Variants in PCDH15 observed in about 807,000 individuals in gnomAD.
PCDH15 encodes the protein protocadherin-15.
Under a neutral mutation model 178.5 loss-of-function variants are expected in PCDH15, and 129 were observed. That is an observed-to-expected ratio of 0.72 (90% CI 0.63 to 0.84). The LOEUF is 0.84. Ranked by LOEUF, PCDH15 falls within the 40% of genes least tolerant of loss-of-function variation. PCDH15 has a pLI of 0.00. For synonymous variants in PCDH15, 800 were observed against 732.0 expected (o/e 1.09, Z -1.50); for missense variants, 2,230 against 2,099.9 (o/e 1.06, Z -1.21).
At chr10:54,338,287 A>G (rs537390657) in intron 6 of PCDH15, among the ~76,000 whole-genome samples, 96 of 151,656 alleles carry the variant, frequency 6.3e-4, no homozygotes, top group African/African-American at 2.3e-3. Context: ...TGGAAATCTC[A>G]TGATATAATG....
chr10:54,931,029 C>T (rs1024591947), intron 2 of PCDH15, among the ~76,000 whole-genome samples: 3 of 152,182 alleles, frequency 2.0e-5, no homozygotes, highest in Non-Finnish European at 2.9e-5. Context: ...TTTGGAGCTA[C>T]ATTCCATTTT....
rs778030835 is a variant in PCDH15, at chr10:53,961,732, T to C, written c.3009+20A>G. On this transcript the variant is annotated intron_variant, in intron 22 of 37. Coordinates refer to ENST00000644397, the MANE Select transcript of PCDH15 (RefSeq NM_001384140.1). ...AAAATTAAACATCAAATAGACCACA[T>C]AATGAAAAGAGACACTGACCTTAAA... 4 of 1,586,674 alleles carry C rather than the reference T, an allele frequency of 2.5e-6. No individual in the cohort carries two copies. The highest frequency in any genetic ancestry group is 1.7e-6 in the Non-Finnish European group (2 of 1,164,726).
At chr10:54,951,875 T>A (rs1838349675) in intron 2 of PCDH15, among the ~76,000 whole-genome samples, 1 of 151,880 alleles carries the variant, frequency 6.6e-6, no homozygotes, top group Non-Finnish European at 1.5e-5. Flanking sequence ...AGATCTTTTG[T>A]CCATTAGGAA....
At chr10:55,437,218 T>TTTCGATATACCTG (rs112436954) in intron 2 of PCDH15, among the ~76,000 whole-genome samples, 2 of 151,844 alleles carry the variant, frequency 1.3e-5, no homozygotes, top group African/African-American at 4.8e-5. Context: ...GGATCTCAAT[T>TTTCGATATACCTG]TAATTGGAGA....
At position 54,657,311 on chromosome 10, in the gene PCDH15, A is replaced by G. The variant is rs546127551; in HGVS notation, c.91+6861T>C. On this transcript the variant is annotated intron_variant, in intron 2 of 37. Transcript: ENST00000644397. ...TGGTATAGGCCTCCAACGCTCTTCC[A>G]TTGAAACATTGCCACAGCCCAACAG... 1.4e-4 allele frequency among the ~76,000 whole-genome samples: 22 copies of G among 152,282 alleles called. No individual in the cohort carries two copies. In the South Asian group the frequency reaches 4.4e-3, roughly 30 times the overall value.
chr10:55,415,429 T>G (rs753617209), intron 2 of PCDH15, among the ~76,000 whole-genome samples: 1 of 151,674 alleles, frequency 6.6e-6, no homozygotes, highest in African/African-American at 2.4e-5. Context: ...TTGGAAAAAG[T>G]ATTTGACATT....
intron 28 of PCDH15, among the ~76,000 whole-genome samples, chr10:53,845,511 A>G (rs1026042927): frequency 5.9e-5 from 9 of 152,010 alleles, no homozygotes; most frequent in South Asian, 4.1e-4. Context: ...TAAAGCAAAT[A>G]CAGTATATAT....
chr10:54,308,212 G>A (rs1248872982), intron 8 of PCDH15, among the ~76,000 whole-genome samples: 3 of 152,064 alleles, frequency 2.0e-5, no homozygotes, highest in African/African-American at 7.2e-5. Flanking sequence ...CAGAATAAAT[G>A]TGTAGGAAAA....
intron 25 of PCDH15, among the ~76,000 whole-genome samples, chr10:53,926,719 C>G (rs528824867): frequency 2.0e-5 from 3 of 152,208 alleles, no homozygotes; most frequent in African/African-American, 7.2e-5. Context: ...TCATATTTGG[C>G]TCAGAATAAA....
chr10:54,516,269 G>C (rs188888420), intron 3 of PCDH15, among the ~76,000 whole-genome samples: 1,553 of 151,732 alleles, frequency 0.01, 23 homozygotes, highest in Non-Finnish European at 0.011. Flanking sequence ...TGAGCTACAG[G>C]AGGAAATTCA....
intron 2 of PCDH15, among the ~76,000 whole-genome samples, chr10:55,166,341 C>A (rs902743374): frequency 6.6e-6 from 1 of 152,134 alleles, no homozygotes; most frequent in African/African-American, 2.4e-5. Flanking sequence ...AGAGAAACAA[C>A]AGGTATTTCA....
At chr10:53,928,420 T>C (rs1351308309) in intron 25 of PCDH15, among the ~76,000 whole-genome samples, 4 of 152,070 alleles carry the variant, frequency 2.6e-5, no homozygotes, top group Admixed American at 1.3e-4. Context: ...AGTTATTACT[T>C]TAAGTGCAGA....
intron 18 of PCDH15, among the ~76,000 whole-genome samples, chr10:54,046,219 A>G (rs1482495542): frequency 6.6e-6 from 1 of 152,162 alleles, no homozygotes; most frequent in African/African-American, 2.4e-5. Flanking sequence ...ACCAACTCTC[A>G]TATACAACTC....
intron 1 of PCDH15, among the ~76,000 whole-genome samples, chr10:54,786,223 A>G (rs1331112764): frequency 6.6e-6 from 1 of 152,044 alleles, no homozygotes; most frequent in Non-Finnish European, 1.5e-5. Flanking sequence ...TATCAATGCT[A>G]GGATAATATC....
At chr10:54,052,093 C>T (rs938609889) in intron 18 of PCDH15, among the ~76,000 whole-genome samples, 15 of 152,190 alleles carry the variant, frequency 9.9e-5, no homozygotes, top group African/African-American at 3.6e-4. Context: ...CAGGAGTTTG[C>T]TATAGAAGTG....
At chr10:53,808,747 G>A (rs1335402506) in intron 37 of PCDH15, 1 of 1,612,936 alleles carries the variant, frequency 6.2e-7, no homozygotes, top group Non-Finnish European at 8.5e-7. Flanking sequence ...CTTTTGGTTT[G>A]CATTCTTGCT....
chr10:54,058,083 C>T (rs10763060), intron 18 of PCDH15, among the ~76,000 whole-genome samples: 90,814 of 151,572 alleles, frequency 0.6, 27,325 homozygotes, highest in Middle Eastern at 0.74. Flanking sequence ...CATCTTCCTG[C>T]CTTTTGAGCC....
intron 2 of PCDH15, among the ~76,000 whole-genome samples, chr10:54,579,614 GAC>G (rs2090846312): frequency 6.6e-6 from 1 of 151,922 alleles, no homozygotes; most frequent in Non-Finnish European, 1.5e-5. Flanking sequence ...ACTTAAATTT[GAC>G]ACTTCACCAG....
At chr10:55,580,360 AT>A (rs71017103) in intron 2 of PCDH15, among the ~76,000 whole-genome samples, 38,331 of 131,154 alleles carry the variant, frequency 0.29, 4,469 homozygotes, top group East Asian at 0.39. Context: ...TTATTTTTTT[AT>A]TTTTTTTTTT....
Sources: allele counts gnomAD v4.1 joint callset (sites outside exome capture counted in the v4.1 genomes callset), GRCh38; gene constraint gnomAD v4.1.1; transcripts MANE v1.5; gene names NCBI Gene and HGNC (gene_info 2026-07-23, HGNC 2026-07-21).